Variants in RBM43 observed in about 807,000 individuals in gnomAD.
RBM43 encodes the protein RNA-binding protein 43.
RBM43 carries 12 observed loss-of-function variants against 12.4 expected under a neutral mutation model. That is an observed-to-expected ratio of 0.97 (90% CI 0.62 to 1.57). The LOEUF (loss-of-function observed/expected upper bound fraction) is 1.57. Among genes scored for constraint, RBM43 ranks in the 40% most tolerant of loss-of-function variants. The pLI, the probability that RBM43 is intolerant of heterozygous loss-of-function variation, is 0.00. For missense variants in RBM43, 348 were observed against 400.1 expected (o/e 0.87, Z 1.11); for synonymous variants, 138 against 145.7 (o/e 0.95, Z 0.38).
At chr2:151,255,044 T>C (rs1174822893) in intron 2 of RBM43, among the ~76,000 whole-genome samples, 1 of 152,216 alleles carries the variant, frequency 6.6e-6, no homozygotes, top group Non-Finnish European at 1.5e-5. Flanking sequence ...AACAACTTTA[T>C]CATGAGCCAT....
chr2:151,252,940 A>G (rs1682924338), intron 2 of RBM43, 85 bp from the exon 3 acceptor site: 2 of 585,378 alleles, frequency 3.4e-6, no homozygotes, highest in Non-Finnish European at 5.9e-6. Flanking sequence ...TCAATTATAG[A>G]AGAATGTCTA....
At chr2:151,255,854 C>T in intron 1 of RBM43, 111 bp from the exon 2 acceptor site, 1 of 768,716 alleles carries the variant, frequency 1.3e-6, no homozygotes, top group Non-Finnish European at 2.1e-6. Flanking sequence ...GCCGGTGCAG[C>T]TGGTTAGATA....
chr2:151,258,251 A>G (rs980409227), intron 1 of RBM43, among the ~76,000 whole-genome samples: 3 of 152,108 alleles, frequency 2.0e-5, no homozygotes, highest in Admixed American at 2.0e-4. Context: ...GGGTATTGGT[A>G]AAACAACTGC....
chr2:151,261,535 C>T (rs754165448), intron 1 of RBM43, 190 bp downstream of exon 1: 26 of 1,546,066 alleles, frequency 1.7e-5, no homozygotes, highest in Non-Finnish European at 1.8e-5. Context: ...CGAGGCTGAC[C>T]TGAGTTTGCC....
chr2:151,261,586 G>A, intron 1 of RBM43, 139 bp downstream of exon 1: 2 of 1,537,392 alleles, frequency 1.3e-6, no homozygotes, highest in Non-Finnish European at 1.8e-6. Flanking sequence ...GGGGTCCCTG[G>A]GGCCCCTCCG....
At chr2:151,255,381 G>A (rs574132379) in intron 2 of RBM43, 152 bp downstream of exon 2, 195 of 527,994 alleles carry the variant, frequency 3.7e-4, no homozygotes, top group Middle Eastern at 3.3e-3. Context: ...TCATGCCACC[G>A]CACTCTAACC....
chr2:151,261,764 G>T lies in RBM43; in HGVS notation c.-37C>A. 6.3e-7 allele frequency: 1 copy of T among 1,594,900 alleles called. No individual in the cohort carries two copies. The highest frequency in any genetic ancestry group is 8.5e-7 in the Non-Finnish European group (1 of 1,171,368). On this transcript the variant is annotated 5_prime_UTR_variant, in exon 1 of 4. Transcript: ENST00000331426. ...GACGCGCCCTCAGCGGCCGCAGAAA[G>T]CCCACAACCAGCGGAACGCAGGCGA...
intron 1 of RBM43, among the ~76,000 whole-genome samples, 157 bp from the exon 2 acceptor site, chr2:151,255,900 C>T (rs1682966182): frequency 6.6e-6 from 1 of 152,166 alleles, no homozygotes; most frequent in Non-Finnish European, 1.5e-5. Context: ...AAATCCTTGC[C>T]TCACACCATA....
chr2:151,261,256 A>ATCGT, intron 1 of RBM43: 1 of 1,545,642 alleles, frequency 6.5e-7, no homozygotes, highest in Non-Finnish European at 8.7e-7. Flanking sequence ...CTTGGCTCGA[A>ATCGT]TCGTTCTTAT....
intron 1 of RBM43, among the ~76,000 whole-genome samples, chr2:151,259,040 G>C (rs539468134): frequency 6.6e-6 from 1 of 151,852 alleles, no homozygotes; most frequent in South Asian, 2.1e-4. Context: ...CTACTTGGGA[G>C]GCTGAGGCAG....
At chr2:151,254,703 C>T (rs1682949635) in intron 2 of RBM43, among the ~76,000 whole-genome samples, 1 of 152,194 alleles carries the variant, frequency 6.6e-6, no homozygotes, top group African/African-American at 2.4e-5. Flanking sequence ...GCCAACCCAA[C>T]TTCCTCACCA....
chr2:151,255,439 T>C (rs1573733929), intron 2 of RBM43, 94 bp downstream of exon 2: 2 of 908,952 alleles, frequency 2.2e-6, no homozygotes, highest in East Asian at 2.7e-5. Context: ...TACTTTAAAA[T>C]TTACCAATTC....
At chr2:151,260,125 C>G (rs936189495) in intron 1 of RBM43, among the ~76,000 whole-genome samples, 1 of 150,260 alleles carries the variant, frequency 6.7e-6, no homozygotes, top group Non-Finnish European at 1.5e-5. Flanking sequence ...CTCGGCCTCT[C>G]GAAGTCTTTT....
rs1682894708 is a variant in RBM43, at chr2:151,251,069, C to A, written c.911G>T (p.Arg304Ile). The change falls in exon 4 of 4, where the codon AGA becomes ATA. Residue 304 changes from arginine to isoleucine, a missense_variant. Coordinates refer to ENST00000331426, the MANE Select transcript of RBM43 (RefSeq NM_198557.3). ...ETFILEGKEN[R>I]EKRMIKRACE... is the part of the protein sequence containing the mutation. ...TGCCCTTTTGATCATTCTTTTCTCTCTATTTTCCTTTCCTTCCAAAATAAA... is the reference window on the plus strand; with the variant it reads ...TGCCCTTTTGATCATTCTTTTCTCTATATTTTCCTTTCCTTCCAAAATAAA... 1 of 1,613,994 alleles carries A rather than the reference C, an allele frequency of 6.2e-7. No individual in the cohort carries two copies. The highest frequency in any genetic ancestry group is 1.1e-5 in the South Asian group (1 of 91,062).
rs114145390 is a variant in RBM43 at position 151,253,948 on chromosome 2, T to C, written c.215-1093A>G. ...TATGAATTATTCCCTTGGCCTCTGCTCAAATGTCATCTAAACAGAGCATTT... is the reference window on the plus strand; with the variant it reads ...TATGAATTATTCCCTTGGCCTCTGCCCAAATGTCATCTAAACAGAGCATTT... On this transcript the variant is annotated intron_variant, in intron 2 of 3. Coordinates refer to ENST00000331426, the MANE Select transcript of RBM43 (RefSeq NM_198557.3). Among the ~76,000 whole-genome samples the C allele has an allele frequency of 7.5e-3, 1,146 of 152,286 alleles. 21 individuals are homozygous for C. The highest frequency in any genetic ancestry group is 0.026 in the African/African-American group (1,097 of 41,544).
At position 151,250,991 on chromosome 2, in the gene RBM43, G is replaced by A. The variant is rs1164554259; in HGVS notation, c.989C>T (p.Thr330Ile). 2 of 1,612,878 alleles carry A rather than the reference G, an allele frequency of 1.2e-6. No individual in the cohort carries two copies. Among genetic ancestry groups the A allele is most frequent in the Non-Finnish European group, 1.7e-6 (2 of 1,178,916 alleles). ...YLEVLINLYRTHIDIIGSSSD... is the reference protein window; with the variant it reads ...YLEVLINLYRIHIDIIGSSSD... Reference sequence around the variant, plus strand: ...AGAAGATCCTATAATGTCAATGTGTGTCCTATAAAGGTTAATCAGGACTTC... The same window carrying A: ...AGAAGATCCTATAATGTCAATGTGTATCCTATAAAGGTTAATCAGGACTTC... Residue 330 changes from threonine (T) to isoleucine (I), a missense_variant, in exon 4 of 4, where the codon ACA (threonine) becomes ATA (isoleucine). By Grantham distance (89) the Thr-to-Ile change is moderately conservative. Coordinates refer to ENST00000331426, the MANE Select transcript of RBM43 (RefSeq NM_198557.3).
rs755197132 is a variant in RBM43, at chr2:151,251,526, C to T, written c.454G>A (p.Val152Met). ...SPLKPNGRIS[V>M]EGSFLAVKRL... ...TTGACAGCCAGAAATGATCCTTCCA[C>T]GGAGATTCTTCCATTGGGTTTCAAA... Residue 152 changes from valine (V) to methionine (M), a missense_variant, in exon 4 of 4, where the codon GTG becomes ATG. By Grantham distance (21) the Val-to-Met change is conservative. Transcript: ENST00000331426. The T allele has an allele frequency of 1.9e-5, 30 of 1,614,052 alleles. No individual in the cohort carries two copies. The highest frequency in any genetic ancestry group is 2.2e-5 in the East Asian group (1 of 44,894).
chr2:151,254,741 C>A (rs1392633058), intron 2 of RBM43, among the ~76,000 whole-genome samples: 1 of 152,116 alleles, frequency 6.6e-6, no homozygotes, highest in Non-Finnish European at 1.5e-5. Flanking sequence ...GTGCAGGGAG[C>A]AGAATGGCTC....
chr2:151,252,836 T>C lies in RBM43; in HGVS notation c.234A>G (p.Arg78=), dbSNP rs1682923064. Residue 78 remains arginine, a synonymous_variant, in exon 3 of 4, where the codon AGA becomes AGG. Transcript: ENST00000331426. ...TCCTTGCTAGCCAGTGTTTCTTTTG[T>C]CTGATGACATTCTCTGCAACTAAGT... ...KEKKVAENVI[R]QKKHWLARKT... 6.2e-7 allele frequency: 1 copy of C among 1,603,628 alleles called. No homozygotes were observed. Among genetic ancestry groups the C allele is most frequent in the Admixed American group, 1.7e-5 (1 of 59,986 alleles).
Sources: allele counts gnomAD v4.1 joint callset (sites outside exome capture counted in the v4.1 genomes callset), GRCh38; gene constraint gnomAD v4.1.1; transcripts MANE v1.5; gene names NCBI Gene and HGNC (gene_info 2026-07-23, HGNC 2026-07-21).